Variants in TMPRSS6 observed in about 807,000 individuals in gnomAD.
TMPRSS6 encodes transmembrane serine protease 6.
A neutral mutation model predicts 101.5 loss-of-function variants in TMPRSS6; 67 were observed. The ratio of observed to expected loss-of-function variants is 0.66; its 90% CI spans 0.54 to 0.81. The LOEUF (loss-of-function observed/expected upper bound fraction) is 0.81. Ranked by LOEUF, TMPRSS6 falls within the 30% of genes least tolerant of loss-of-function variation. TMPRSS6 has a pLI of 0.00. For missense variants in TMPRSS6, 1,034 were observed against 1,088.7 expected (o/e 0.95, Z 0.71); for synonymous variants, 453 against 464.9 (o/e 0.97, Z 0.33).
chr22:37,080,206 C>T (rs1432646066), intron 10 of TMPRSS6: 1 of 152,394 alleles, frequency 6.6e-6, no homozygotes, highest in Non-Finnish European at 1.5e-5. Flanking sequence ...CACTCAAGGG[C>T]CTGAGGCCTC....
chr22:37,096,692 G>T lies in TMPRSS6; in HGVS notation c.360C>A (p.Thr120=). The T allele has an allele frequency of 6.4e-7, 1 of 1,566,572 alleles. No homozygotes were observed. Among genetic ancestry groups the T allele is most frequent in the Non-Finnish European group, 8.7e-7 (1 of 1,154,560 alleles). Residue 120 remains threonine (T), a synonymous_variant, in exon 4 of 18, where the codon ACC becomes ACA. Transcript: ENST00000676104. ...TGGAGTTGTAGTAAGTTCCCAGGCG[G>T]GTGCTGGTGATGAGCTCCTTGAGCT... is the stretch of plus-strand genomic sequence containing the variant. ...QKMLKELITS[T]RLGTYYNSSS...
chr22:37,078,717 C>T (rs556919460), intron 10 of TMPRSS6, among the ~76,000 whole-genome samples: 2 of 36,934 alleles, frequency 5.4e-5, no homozygotes, highest in East Asian at 1.5e-3. Context: ...AAGGAGGAGG[C>T]GGAGGAGAAG....
At chr22:37,086,190 A>G in intron 8 of TMPRSS6, 93 bp downstream of exon 8, 1 of 1,570,358 alleles carries the variant, frequency 6.4e-7, no homozygotes. Context: ...CCCATCCTCA[A>G]TTTGGGCAAA....
At chr22:37,081,764 C>T (rs1163503706) in intron 10 of TMPRSS6, among the ~76,000 whole-genome samples, 2 of 152,216 alleles carry the variant, frequency 1.3e-5, no homozygotes, top group Non-Finnish European at 1.5e-5. Context: ...AAGACAGGGA[C>T]AAGAGGCCAA....
Position 37,078,991 on chromosome 22 carries a change from A to AAG in TMPRSS6, c.1197-3713_1197-3712dup, listed in dbSNP as rs1199603411. On this transcript the variant is annotated intron_variant, in intron 10 of 17. Coordinates refer to ENST00000676104, the MANE Select transcript of TMPRSS6 (RefSeq NM_001374504.1). ...AGAAAGAAAAAGAAAGAAAGAAAGAAAGAAAGAAAGAAAGAAAGAAAGAAA... is the reference window on the plus strand; with the variant it reads ...AGAAAGAAAAAGAAAGAAAGAAAGAAAGAGAAAGAAAGAAAGAAAGAAAGAAA... 9.8e-4 allele frequency among the ~76,000 whole-genome samples: 146 copies of AAG among 149,282 alleles called. 1 individual carries two copies. The highest frequency in any genetic ancestry group is 3.6e-3 in the African/African-American group (142 of 39,092).
chr22:37,085,274 G>T (rs887958243), intron 8 of TMPRSS6, among the ~76,000 whole-genome samples: 5 of 152,072 alleles, frequency 3.3e-5, no homozygotes, highest in Admixed American at 2.0e-4. Flanking sequence ...GGGTCCAGGG[G>T]TCAGGACAGG....
chr22:37,080,515 C>A (rs1489526572), intron 10 of TMPRSS6, among the ~76,000 whole-genome samples: 1 of 152,248 alleles, frequency 6.6e-6, no homozygotes, highest in Non-Finnish European at 1.5e-5. Flanking sequence ...TCTTTGCCAC[C>A]CACACAAGCA....
intron 10 of TMPRSS6, among the ~76,000 whole-genome samples, chr22:37,079,003 A>AAGAAAGAAAG (rs1928033075): frequency 1.3e-5 from 2 of 150,030 alleles, no homozygotes; most frequent in African/African-American, 5.0e-5. Context: ...GAAAGAAAGA[A>AAGAAAGAAAG]AGAAAGAAAG....
At chr22:37,092,034 T>C (rs1014489946) in intron 6 of TMPRSS6, among the ~76,000 whole-genome samples, 1 of 151,552 alleles carries the variant, frequency 6.6e-6, no homozygotes, top group South Asian at 2.1e-4. Context: ...TAGGGTTTTG[T>C]GTTCTTTAAA....
chr22:37,083,339 G>C (rs191065262), intron 10 of TMPRSS6, among the ~76,000 whole-genome samples: 1 of 152,204 alleles, frequency 6.6e-6, no homozygotes, highest in Non-Finnish European at 1.5e-5. Context: ...TGGAGCCATG[G>C]GAGGGCCTCC....
At chr22:37,076,108 AT>A (rs1432134817) in intron 10 of TMPRSS6, among the ~76,000 whole-genome samples, 1 of 152,184 alleles carries the variant, frequency 6.6e-6, no homozygotes, top group African/African-American at 2.4e-5. Flanking sequence ...AGGAAAAATT[AT>A]TTCTGTTGAT....
Position 37,069,684 on chromosome 22 carries a change from AG to A in TMPRSS6, c.1842-341del, listed in dbSNP as rs1926705455. ...ACCGTGTATCTAAAAAATGTAGCAC[AG>A]TGCCAGGCCCCCGACACAGATTTCT... On this transcript the variant is annotated intron_variant, in intron 15 of 17. Coordinates refer to ENST00000676104, the MANE Select transcript of TMPRSS6 (RefSeq NM_001374504.1). The surrounding 1 kb of genome is among the most constrained non-coding windows in gnomAD (Gnocchi z 4.8). 6.6e-6 allele frequency among the ~76,000 whole-genome samples: 1 copy of A among 152,244 alleles called. No individual in the cohort carries two copies. The highest frequency in any genetic ancestry group is 1.5e-5 in the Non-Finnish European group (1 of 68,032).
At position 37,086,875 on chromosome 22, in the gene TMPRSS6, C is replaced by A. The variant is rs570419836; in HGVS notation, c.837-456G>T. On this transcript the variant is annotated intron_variant, in intron 7 of 17. Coordinates refer to ENST00000676104, the MANE Select transcript of TMPRSS6 (RefSeq NM_001374504.1). Reference sequence around the variant, plus strand: ...GGCAGGGAGAAGGCAGGTGTGGTCTCGTGACCCCCAGGGTGCCCCAGAAAT... The same window carrying A: ...GGCAGGGAGAAGGCAGGTGTGGTCTAGTGACCCCCAGGGTGCCCCAGAAAT... 2.0e-5 allele frequency among the ~76,000 whole-genome samples: 3 copies of A among 152,278 alleles called. No homozygotes were observed. In the South Asian group the frequency reaches 6.2e-4, roughly 32 times the overall value.
At chr22:37,095,879 C>T (rs775592526) in intron 5 of TMPRSS6, 27 bp downstream of exon 5, 2 of 1,613,534 alleles carry the variant, frequency 1.2e-6, no homozygotes, top group South Asian at 2.2e-5. Flanking sequence ...ATGAGGCCAA[C>T]CCCACGTTTC....
rs372156816 is a variant in TMPRSS6 at position 37,074,728 on chromosome 22, C to G, written c.1343-20G>C. On this transcript the variant is annotated intron_variant, in intron 11 of 17. Transcript: ENST00000676104. ...GGCAGGCTGCAAAACCACAGGGGAC[C>G]GTGGAGGCAGGCAGGGCGCCATTAG... is the stretch of plus-strand genomic sequence containing the variant. The G allele has an allele frequency of 1.2e-6, 2 of 1,612,368 alleles. No homozygotes were observed. The highest frequency in any genetic ancestry group is 2.7e-5 in the African/African-American group (2 of 74,898).
At position 37,079,910 on chromosome 22, in the gene TMPRSS6, C is replaced by G. The variant is rs2146088613; in HGVS notation, c.1196+4385G>C. Among the ~76,000 whole-genome samples the G allele has an allele frequency of 1.3e-5, 2 of 152,354 alleles. 1 individual carries two copies. The highest frequency in any genetic ancestry group is 6.8e-3 in the Middle Eastern group (2 of 294). ...GCCGCCTGTGCTGGCCACTAGCGCT[C>G]CGGAGAACACAAGGGCCACCCCATA... On this transcript the variant is annotated intron_variant, in intron 10 of 17. Transcript: ENST00000676104.
chr22:37,078,981 G>GAA (rs764495902), intron 10 of TMPRSS6, among the ~76,000 whole-genome samples: 2 of 140,454 alleles, frequency 1.4e-5, no homozygotes, highest in African/African-American at 2.9e-5. Context: ...GAAAAAGAAA[G>GAA]AAAGAAAGAA....
At chr22:37,092,618 T>A (rs1929369417) in intron 6 of TMPRSS6, among the ~76,000 whole-genome samples, 1 of 152,194 alleles carries the variant, frequency 6.6e-6, no homozygotes, top group South Asian at 2.1e-4. Context: ...TGCCTCAGCC[T>A]CCCAAGTAGC....
chr22:37,096,878 C>T (rs910081988), intron 3 of TMPRSS6, among the ~76,000 whole-genome samples, 163 bp from the exon 4 acceptor site: 6 of 152,148 alleles, frequency 3.9e-5, no homozygotes, highest in African/African-American at 7.2e-5. Context: ...GTGGCCGGGC[C>T]GGGGCATGCA....
Sources: gnomAD v4.1 joint callset for allele counts (sites outside exome capture counted in the v4.1 genomes callset) on GRCh38, gnomAD v4.1.1 for gene constraint, Gnocchi (gnomAD v3.1) non-coding constraint, MANE v1.5 for transcripts, NCBI Gene and HGNC (gene_info 2026-07-23, HGNC 2026-07-21) for gene names.